The following GTF2IRD1 variants were observed in gnomAD, a reference collection of about 807,000 sequenced individuals.
GTF2IRD1 encodes general transcription factor II-I repeat domain-containing protein 1.
Under a neutral mutation model 113.2 loss-of-function variants are expected in GTF2IRD1, and 26 were observed. That is an observed-to-expected ratio of 0.23 (90% CI 0.17 to 0.32). The LOEUF (loss-of-function observed/expected upper bound fraction) is 0.32. Among genes scored for constraint, GTF2IRD1 ranks in the 10% least tolerant of loss-of-function variants. The probability of loss-of-function intolerance (pLI) is 1.00; values close to 1 mark genes in which losing one functional copy is unlikely to be tolerated. For synonymous variants in GTF2IRD1, 484 were observed against 529.1 expected, an observed-to-expected ratio of 0.91 and a Z score of 1.17; for missense variants, 864 against 1,280.8, an observed-to-expected ratio of 0.67 and a Z score of 4.97.
At chr7:74,494,409 C>T (rs963120950) in intron 1 of GTF2IRD1, among the ~76,000 whole-genome samples, 6 of 152,172 alleles carry the variant, frequency 3.9e-5, no homozygotes, top group Non-Finnish European at 8.8e-5. Flanking sequence ...TCAGGATAGT[C>T]GGGCTTCCCA....
At chr7:74,590,538 G>A (rs1403273430) in intron 23 of GTF2IRD1, among the ~76,000 whole-genome samples, 2 of 151,940 alleles carry the variant, frequency 1.3e-5, no homozygotes, top group Non-Finnish European at 2.9e-5. Context: ...ACAGGTGCCC[G>A]CCACCACGCC....
chr7:74,543,757 C>T (rs1798759668), intron 14 of GTF2IRD1, among the ~76,000 whole-genome samples: 1 of 150,632 alleles, frequency 6.6e-6, no homozygotes, highest in African/African-American at 2.4e-5. Context: ...AAAAAGTAGC[C>T]AGCCGTGGTG....
chr7:74,580,624 C>T, intron 22 of GTF2IRD1, among the ~76,000 whole-genome samples: 1 of 151,944 alleles, frequency 6.6e-6, no homozygotes, highest in Non-Finnish European at 1.5e-5. Context: ...TAACAGACAG[C>T]AGACTGGTAA....
At chr7:74,587,676 C>T (rs1433527970) in intron 22 of GTF2IRD1, among the ~76,000 whole-genome samples, 1 of 152,082 alleles carries the variant, frequency 6.6e-6, no homozygotes, top group Non-Finnish European at 1.5e-5. Context: ...ATCCCAGCCC[C>T]GTCCTCAACC....
intron 3 of GTF2IRD1, among the ~76,000 whole-genome samples, chr7:74,513,219 G>T (rs1253792104): frequency 1.3e-5 from 2 of 152,230 alleles, no homozygotes; most frequent in African/African-American, 4.8e-5. Context: ...TCCAGATGGG[G>T]ACACCAAGGC....
At chr7:74,589,673 G>A (rs1366172058) in intron 22 of GTF2IRD1, among the ~76,000 whole-genome samples, 178 bp from the exon 23 acceptor site, 15 of 151,916 alleles carry the variant, frequency 9.9e-5, no homozygotes, top group African/African-American at 3.6e-4. Context: ...ACTCCAGCCT[G>A]GGCAACAGAG....
At chr7:74,496,342 G>A (rs1210495928) in intron 1 of GTF2IRD1, among the ~76,000 whole-genome samples, 1 of 143,432 alleles carries the variant, frequency 7.0e-6, no homozygotes. Flanking sequence ...GTGCATGTAT[G>A]TGCATGTGTG....
chr7:74,489,789 A>G (rs1795230028), intron 1 of GTF2IRD1, among the ~76,000 whole-genome samples: 1 of 152,170 alleles, frequency 6.6e-6, no homozygotes, highest in African/African-American at 2.4e-5. Flanking sequence ...AGAATCACCA[A>G]AGTTCCTCCC....
chr7:74,472,489 G>A (rs776127776), intron 1 of GTF2IRD1, among the ~76,000 whole-genome samples: 2 of 152,224 alleles, frequency 1.3e-5, no homozygotes, highest in Non-Finnish European at 2.9e-5. Context: ...GCTCACGCCT[G>A]TAATCCCAGC....
intron 14 of GTF2IRD1, among the ~76,000 whole-genome samples, chr7:74,544,517 G>A (rs587604699): frequency 1.3e-5 from 2 of 152,328 alleles, no homozygotes; most frequent in South Asian, 4.1e-4. Flanking sequence ...CGTGTCCTCA[G>A]TGTCTAGAAC....
rs376453786 is a variant in GTF2IRD1, at chr7:74,562,764, A to G, written c.2320+3109A>G. On this transcript the variant is annotated intron_variant, in intron 22 of 26. Transcript: ENST00000424337. ...TTGTATTTGTAGGCACCCTAACACA[A>G]TGAAAGTCCAGGCTGGTTGACCAGG... Among the ~76,000 whole-genome samples, 4 of 151,692 alleles carry G rather than the reference A, an allele frequency of 2.6e-5. No homozygotes were observed. The South Asian group carries it at 8.4e-4, about 32-fold the overall frequency.
At chr7:74,566,447 A>G (rs1800324288) in intron 22 of GTF2IRD1, among the ~76,000 whole-genome samples, 1 of 152,068 alleles carries the variant, frequency 6.6e-6, no homozygotes, top group Admixed American at 6.6e-5. Context: ...AGTTCAAGCA[A>G]TTTTCCTGCC....
At chr7:74,565,814 A>T (rs990545701) in intron 22 of GTF2IRD1, among the ~76,000 whole-genome samples, 15 of 151,992 alleles carry the variant, frequency 9.9e-5, no homozygotes, top group East Asian at 7.7e-4. Context: ...TACAAAAAAA[A>T]TTTTTTTTAA....
Position 74,600,236 on chromosome 7 carries a change from CCT to C in GTF2IRD1, c.2630-807_2630-806del, listed in dbSNP as rs1410513828. On this transcript the variant is annotated intron_variant, in intron 25 of 26. Transcript: ENST00000424337. ...CTTGAGGTTGGGAATTGGAGACCAG[CCT>C]GGGCAACATAATGATGCAGAAATAC... Among the ~76,000 whole-genome samples, 4 of 152,068 alleles carry C rather than the reference CCT, an allele frequency of 2.6e-5. No individual in the cohort carries two copies. The East Asian group carries it at 7.7e-4, about 29-fold the overall frequency.
At chr7:74,496,397 G>C (rs887158916) in intron 1 of GTF2IRD1, among the ~76,000 whole-genome samples, 1 of 148,704 alleles carries the variant, frequency 6.7e-6, no homozygotes, top group African/African-American at 2.5e-5. Context: ...ATATATGTGG[G>C]TGTGTGTGCA....
intron 1 of GTF2IRD1, among the ~76,000 whole-genome samples, chr7:74,462,318 C>A (rs782144913): frequency 1.3e-5 from 2 of 152,142 alleles, no homozygotes; most frequent in Admixed American, 1.3e-4. Flanking sequence ...TCCTGTAACC[C>A]CTAAAAGTTT....
In GTF2IRD1 at chr7:74,576,617, C is replaced by CTTTTTTTT. The variant is rs1165378230; in HGVS notation, c.2321-13209_2321-13202dup. On this transcript the variant is annotated intron_variant, in intron 22 of 26. Transcript: ENST00000424337. ...TCTAGGGGAAAATCTATTTCCTTGTCTTTTTTTTTTTTTTTTTTTTTTTTT... is the reference window on the plus strand; with the variant it reads ...TCTAGGGGAAAATCTATTTCCTTGTCTTTTTTTTTTTTTTTTTTTTTTTTTTTTTTTTT... Among the ~76,000 whole-genome samples the CTTTTTTTT allele has an allele frequency of 8.7e-4, 43 of 49,366 alleles. 5 individuals are homozygous for CTTTTTTTT. The highest frequency in any genetic ancestry group is 1.2e-3 in the African/African-American group (14 of 11,736). 32.4% of individuals were successfully genotyped at this position (49,366 alleles called of 152,430 possible). A position where few individuals can be genotyped will look rare whatever the true frequency, so the allele number is the denominator to read the frequency against.
At chr7:74,469,318 A>G (rs1338215642) in intron 1 of GTF2IRD1, among the ~76,000 whole-genome samples, 3 of 151,892 alleles carry the variant, frequency 2.0e-5, no homozygotes, top group African/African-American at 7.3e-5. Flanking sequence ...TAAAGTGTAT[A>G]ATTCAGTGTT....
chr7:74,543,730 T>C (rs1272855602), intron 14 of GTF2IRD1, among the ~76,000 whole-genome samples: 1 of 151,584 alleles, frequency 6.6e-6, no homozygotes, highest in Admixed American at 6.6e-5. Flanking sequence ...CGAAACCCTG[T>C]CTCTACAAAA....
Sources: gnomAD v4.1 joint callset for allele counts (sites outside exome capture counted in the v4.1 genomes callset) on GRCh38, gnomAD v4.1.1 for gene constraint, MANE v1.5 for transcripts, NCBI Gene and HGNC (gene_info 2026-07-23, HGNC 2026-07-21) for gene names.